The following FMN1 variants were observed in gnomAD, a reference collection of about 807,000 sequenced individuals.
FMN1 encodes formin-1.
FMN1 carries 110 observed loss-of-function variants against 132.4 expected under a neutral mutation model. That is an observed-to-expected ratio of 0.83 (90% CI 0.71 to 0.97). The LOEUF is 0.97. Ranked by LOEUF, FMN1 falls within the 50% of genes least tolerant of loss-of-function variation. FMN1 has a pLI of 0.00. For synonymous variants in FMN1, 722 were observed against 651.7 expected (o/e 1.11, Z -1.64); for missense variants, 1,792 against 1,705.3 (o/e 1.05, Z -0.90).
intron 17 of FMN1, among the ~76,000 whole-genome samples, chr15:32,849,655 CTTTCT>C (rs1455309323): frequency 6.7e-6 from 1 of 149,932 alleles, no homozygotes; most frequent in Non-Finnish European, 1.5e-5. Context: ...GATAAAATAG[CTTTCT>C]TTTCTTTATT....
intron 3 of FMN1, among the ~76,000 whole-genome samples, chr15:33,169,409 C>A (rs1965229352): frequency 1.3e-5 from 2 of 152,148 alleles, no homozygotes; most frequent in African/African-American, 4.8e-5. Flanking sequence ...CTGAATTTGA[C>A]ATTGCTAAAA....
intron 16 of FMN1, among the ~76,000 whole-genome samples, chr15:32,877,971 T>C (rs755035803): frequency 1.4e-4 from 22 of 152,138 alleles, no homozygotes; most frequent in South Asian, 2.1e-4. Context: ...TCTGCCTTCA[T>C]GAAGCTGGTG....
chr15:33,158,660 A>T (rs368346159), intron 3 of FMN1, among the ~76,000 whole-genome samples: 1 of 152,312 alleles, frequency 6.6e-6, no homozygotes, highest in East Asian at 1.9e-4. Flanking sequence ...GTACTGAACT[A>T]GACTAAGGAG....
chr15:32,923,843 C>A (rs953117058), intron 10 of FMN1, among the ~76,000 whole-genome samples: 1 of 152,164 alleles, frequency 6.6e-6, no homozygotes, highest in Non-Finnish European at 1.5e-5. Flanking sequence ...TTAAAACAAA[C>A]GGAATATAGT....
chr15:33,116,009 CT>C (rs2039909919), intron 4 of FMN1, among the ~76,000 whole-genome samples: 1 of 152,078 alleles, frequency 6.6e-6, no homozygotes, highest in South Asian at 2.1e-4. Flanking sequence ...AAAGAATTTT[CT>C]TAGGGTGAAT....
chr15:33,153,720 G>C lies in FMN1; in HGVS notation c.1195C>G (p.Pro399Ala). ...ERQGDRSSQS[P>A]AGETASISSV... ...GAAATGGAGGCTGTTTCCCCGGCTG[G>C]CGACTGCGATGACCTATCCCCTTGC... is the stretch of plus-strand genomic sequence containing the variant. The change falls in exon 4 of 21, where the codon CCA becomes GCA. Residue 399 changes from proline to alanine, a missense_variant. Transcript: ENST00000616417. 1.3e-6 allele frequency: 2 copies of C among 1,536,244 alleles called. No individual in the cohort carries two copies. Among genetic ancestry groups the C allele is most frequent in the African/African-American group, 2.7e-5 (2 of 73,166 alleles).
chr15:32,989,415 T>C (rs747059971), intron 7 of FMN1, among the ~76,000 whole-genome samples: 6 of 152,046 alleles, frequency 3.9e-5, no homozygotes, highest in African/African-American at 7.2e-5. Flanking sequence ...GCACAAAGAA[T>C]TGGCAAAGGT....
At chr15:32,853,383 T>A (rs769198174) in intron 17 of FMN1, among the ~76,000 whole-genome samples, 1 of 152,210 alleles carries the variant, frequency 6.6e-6, no homozygotes, top group Non-Finnish European at 1.5e-5. Flanking sequence ...AGAGTCTACA[T>A]GTTGTGGCTT....
intron 12 of FMN1, among the ~76,000 whole-genome samples, chr15:32,906,144 A>G (rs189526038): frequency 6.6e-6 from 1 of 152,210 alleles, no homozygotes; most frequent in African/African-American, 2.4e-5. Flanking sequence ...GCAGAAACGC[A>G]TGATCTCTCC....
chr15:33,061,692 T>A (rs1204096020), intron 6 of FMN1, among the ~76,000 whole-genome samples: 1 of 152,038 alleles, frequency 6.6e-6, no homozygotes, highest in Non-Finnish European at 1.5e-5. Context: ...TGTATTGTAA[T>A]GCTACAATAA....
At chr15:32,982,492 T>C (rs571762228) in intron 7 of FMN1, among the ~76,000 whole-genome samples, 1 of 152,320 alleles carries the variant, frequency 6.6e-6, no homozygotes, top group African/African-American at 2.4e-5. Flanking sequence ...TTATCAATAA[T>C]AGCCTGTGAT....
At chr15:33,151,322 A>G in intron 4 of FMN1, 1 of 1,536,492 alleles carries the variant, frequency 6.5e-7, no homozygotes, top group Non-Finnish European at 8.7e-7. Context: ...AGCACAGGAG[A>G]TGCTTACAGT....
chr15:33,183,284 G>T (rs1045375604), intron 2 of FMN1, among the ~76,000 whole-genome samples: 1 of 152,162 alleles, frequency 6.6e-6, no homozygotes, highest in African/African-American at 2.4e-5. Context: ...GATAAAATTA[G>T]ATAGAACTTT....
At chr15:33,023,073 A>AAG (rs1555383609) in intron 6 of FMN1, among the ~76,000 whole-genome samples, 44 of 78,852 alleles carry the variant, frequency 5.6e-4, no homozygotes, top group Admixed American at 3.9e-3. Context: ...AAAAAAAAAA[A>AAG]AAAAGAAAAA....
chr15:32,888,247 C>T lies in FMN1; in HGVS notation c.3760G>A (p.Asp1254Asn). Residue 1254 changes from aspartate (D) to asparagine (N), a missense_variant, in exon 16 of 21, where the codon GAT becomes AAT. Around this residue, in one of 3 missense-constraint regions of FMN1, gnomAD observed 1,150 missense variants for 1,043.1 expected, o/e 1.10. Transcript: ENST00000616417. ...KSVFPLPEPQ[D>N]FFLASQVKFE... ...TTGACTTGGGAGGCCAGAAAGAAAT[C>T]CTGTGGTTCCGGCAAGGGGAAAACA... The T allele has an allele frequency of 1.9e-6, 3 of 1,612,998 alleles. No individual in the cohort carries two copies. Among genetic ancestry groups the T allele is most frequent in the Non-Finnish European group, 8.5e-7 (1 of 1,179,402 alleles).
At chr15:32,784,895 A>G (rs2056800736) in intron 19 of FMN1, among the ~76,000 whole-genome samples, 1 of 152,128 alleles carries the variant, frequency 6.6e-6, no homozygotes, top group African/African-American at 2.4e-5. Context: ...GCAACTTTCC[A>G]ATGTCTATTT....
At chr15:33,145,044 G>C (rs537159396) in intron 4 of FMN1, among the ~76,000 whole-genome samples, 2 of 151,992 alleles carry the variant, frequency 1.3e-5, no homozygotes, top group East Asian at 3.9e-4. Context: ...CTAAAAAATC[G>C]GTATTTCACT....
intron 9 of FMN1, among the ~76,000 whole-genome samples, chr15:32,936,489 T>C (rs770440813): frequency 2.0e-5 from 3 of 152,176 alleles, no homozygotes; most frequent in Non-Finnish European, 2.9e-5. Context: ...TCATAATCCC[T>C]GCTCTCTCTA....
intron 6 of FMN1, among the ~76,000 whole-genome samples, chr15:33,031,876 C>G (rs1850871960): frequency 6.6e-6 from 1 of 152,186 alleles, no homozygotes; most frequent in Non-Finnish European, 1.5e-5. Flanking sequence ...TGTTGGTAAA[C>G]AAATAAATAT....
Sources: gnomAD v4.1 joint callset for allele counts (sites outside exome capture counted in the v4.1 genomes callset) on GRCh38, gnomAD v4.1.1 for gene constraint, gnomAD v4.1.1 regional missense constraint, MANE v1.5 for transcripts, NCBI Gene and HGNC (gene_info 2026-07-23, HGNC 2026-07-21) for gene names.